Variants in PLD5 observed in about 807,000 individuals in gnomAD.
PLD5 encodes the protein phospholipase D family member 5, also known as inactive phospholipase D5.
Under a neutral mutation model 61.1 loss-of-function variants are expected in PLD5, and 36 were observed. The observed-to-expected ratio is 0.59, with a 90% CI of 0.45 to 0.78. PLD5 has a LOEUF of 0.78. PLD5 is among the 30% of genes least tolerant of loss of function. The pLI is 0.00. For missense variants in PLD5, 515 were observed against 644.4 expected (o/e 0.80, Z 2.17); for synonymous variants, 243 against 242.8 (o/e 1.00, Z -0.01).
intron 5 of PLD5, among the ~76,000 whole-genome samples, chr1:242,176,299 G>T (rs1667139653): frequency 6.6e-6 from 1 of 152,126 alleles, no homozygotes; most frequent in Admixed American, 6.5e-5. Context: ...ACAACCACCT[G>T]ATCTTTGACA....
At chr1:242,099,629 T>G (rs1447479233) in intron 9 of PLD5, among the ~76,000 whole-genome samples, 1 of 152,186 alleles carries the variant, frequency 6.6e-6, no homozygotes, top group African/African-American at 2.4e-5. Context: ...TCTGTATTTC[T>G]CCAAGTCTTA....
intron 6 of PLD5, among the ~76,000 whole-genome samples, chr1:242,120,209 T>G (rs1662256823): frequency 6.6e-6 from 1 of 152,166 alleles, no homozygotes; most frequent in Admixed American, 6.5e-5. Flanking sequence ...TGGGGTTTTT[T>G]CTTTGTGGTG....
intron 6 of PLD5, among the ~76,000 whole-genome samples, chr1:242,117,161 G>A (rs887244061): frequency 4.6e-5 from 7 of 152,126 alleles, no homozygotes; most frequent in African/African-American, 1.7e-4. Flanking sequence ...TGGGAGGGGT[G>A]TATCCATGGT....
intron 3 of PLD5, among the ~76,000 whole-genome samples, chr1:242,266,238 G>A (rs61845529): frequency 8.2e-4 from 125 of 152,056 alleles, no homozygotes; most frequent in Non-Finnish European, 1.5e-3. Context: ...AAAATTAGCT[G>A]GGCATGGTGG....
chr1:242,182,377 G>GA (rs34442827), intron 5 of PLD5, among the ~76,000 whole-genome samples: 115,123 of 151,974 alleles, frequency 0.76, 43,754 homozygotes, highest in South Asian at 0.88. Context: ...AAGTGGTTTT[G>GA]AAAAAACTAT....
At chr1:242,381,897 A>G (rs966748269) in intron 1 of PLD5, among the ~76,000 whole-genome samples, 3 of 152,298 alleles carry the variant, frequency 2.0e-5, no homozygotes, top group South Asian at 2.1e-4. Context: ...CTTGAGAAGG[A>G]CGAGAGTAGA....
intron 2 of PLD5, among the ~76,000 whole-genome samples, chr1:242,297,730 C>T (rs1468711912): frequency 1.3e-5 from 2 of 149,816 alleles, no homozygotes; most frequent in East Asian, 2.0e-4. Context: ...AGCTCCGCCT[C>T]CCGGGTTCAC....
At chr1:242,298,798 G>C (rs1675862755) in intron 2 of PLD5, among the ~76,000 whole-genome samples, 1 of 152,122 alleles carries the variant, frequency 6.6e-6, no homozygotes, top group Non-Finnish European at 1.5e-5. Context: ...GGTGACAGAA[G>C]GGCACACTTT....
chr1:242,354,570 A>T (rs1375304875), intron 1 of PLD5, among the ~76,000 whole-genome samples: 1 of 152,152 alleles, frequency 6.6e-6, no homozygotes, highest in Non-Finnish European at 1.5e-5. Context: ...AGATCATGTC[A>T]TCAGCAAACA....
At chr1:242,499,848 A>G (rs116226049) in intron 1 of PLD5, among the ~76,000 whole-genome samples, 2,026 of 152,210 alleles carry the variant, frequency 0.013, 27 homozygotes, top group South Asian at 0.044. Context: ...ACTTGGGAAG[A>G]CTTAAGTTGC....
chr1:242,329,427 C>T (rs1207303174), intron 2 of PLD5, among the ~76,000 whole-genome samples: 2 of 152,156 alleles, frequency 1.3e-5, no homozygotes, highest in Admixed American at 6.5e-5. Context: ...TACCACTTGC[C>T]AGCCCACTCT....
intron 5 of PLD5, among the ~76,000 whole-genome samples, chr1:242,205,597 G>A (rs1366268819): frequency 6.6e-6 from 1 of 152,074 alleles, no homozygotes; most frequent in African/African-American, 2.4e-5. Context: ...GTTTCCTAAG[G>A]AATATTAATT....
chr1:242,496,888 A>T (rs767299227), intron 1 of PLD5, among the ~76,000 whole-genome samples: 1 of 152,212 alleles, frequency 6.6e-6, no homozygotes, highest in Non-Finnish European at 1.5e-5. Flanking sequence ...AGCAGGATGG[A>T]CAGGAATGTG....
rs1306694704 is a variant in PLD5 at position 242,113,360 on chromosome 1, TG to T, written c.1070+529del. ...CGCCCGCCTCGGCCTCCCAAAGTGC[TG>T]GGATTACAGGCGTGAGCCACCGCAC... On this transcript the variant is annotated intron_variant, in intron 7 of 9. Transcript: ENST00000536534. 6.6e-5 allele frequency among the ~76,000 whole-genome samples: 10 copies of T among 152,312 alleles called. No homozygotes were observed. In the East Asian group the frequency reaches 1.9e-3, roughly 29 times the overall value.
At chr1:242,389,387 A>C (rs970424713) in intron 1 of PLD5, among the ~76,000 whole-genome samples, 1 of 152,120 alleles carries the variant, frequency 6.6e-6, no homozygotes, top group African/African-American at 2.4e-5. Flanking sequence ...TATCCAAAAA[A>C]ACAGTTTGCA....
At chr1:242,213,662 A>G (rs10926647) in intron 5 of PLD5, among the ~76,000 whole-genome samples, 4,305 of 151,754 alleles carry the variant, frequency 0.028, 212 homozygotes, top group African/African-American at 0.098. Flanking sequence ...TTAAAGGGCA[A>G]TACAGTCCTG....
chr1:242,451,146 CT>C (rs1169353823), intron 1 of PLD5, among the ~76,000 whole-genome samples: 1 of 152,152 alleles, frequency 6.6e-6, no homozygotes, highest in Admixed American at 6.5e-5. Context: ...GCATTGTCTG[CT>C]TTTTTCCATT....
At chr1:242,480,690 CT>C (rs997011049) in intron 1 of PLD5, among the ~76,000 whole-genome samples, 2 of 152,086 alleles carry the variant, frequency 1.3e-5, no homozygotes, top group Non-Finnish European at 2.9e-5. Flanking sequence ...TGCAAAAGAT[CT>C]GAACAGGCAC....
intron 1 of PLD5, among the ~76,000 whole-genome samples, chr1:242,458,651 C>A (rs886620808): frequency 2.0e-5 from 3 of 152,180 alleles, no homozygotes; most frequent in Non-Finnish European, 4.4e-5. Flanking sequence ...AACTATACCA[C>A]TTAAAAGTTG....
Sources: allele counts gnomAD v4.1 joint callset (sites outside exome capture counted in the v4.1 genomes callset), GRCh38; gene constraint gnomAD v4.1.1; transcripts MANE v1.5; gene names NCBI Gene and HGNC (gene_info 2026-07-23, HGNC 2026-07-21).